Variants in TPTE observed in about 807,000 individuals in gnomAD.
TPTE encodes the protein transmembrane phosphatase with tensin homology.
Under a neutral mutation model 84.1 loss-of-function variants are expected in TPTE, and 59 were observed. The observed-to-expected ratio is 0.70, with a 90% CI of 0.57 to 0.87. The LOEUF is 0.87. Among genes scored for constraint, TPTE ranks in the 40% least tolerant of loss-of-function variants. The probability of loss-of-function intolerance (pLI) is 0.00; values close to 1 mark genes in which losing one functional copy is unlikely to be tolerated. For missense variants in TPTE, 382 were observed against 659.6 expected, an observed-to-expected ratio of 0.58 and a Z score of 4.61; for synonymous variants, 130 against 223.5, an observed-to-expected ratio of 0.58 and a Z score of 3.73.
intron 7 of TPTE, among the ~76,000 whole-genome samples, chr21:10,546,096 C>T (rs2074462457): frequency 6.6e-6 from 1 of 152,302 alleles, no homozygotes; most frequent in South Asian, 2.1e-4. Context: ...TTGTAGCAAC[C>T]CTACATTGAG....
chr21:10,548,568 G>A (rs1040945594), intron 7 of TPTE, among the ~76,000 whole-genome samples: 18 of 152,298 alleles, frequency 1.2e-4, no homozygotes, highest in Non-Finnish European at 2.4e-4. Context: ...AGCTAGAATA[G>A]CTCTATGGAC....
chr21:10,560,211 TTTA>T (rs2074769455), intron 9 of TPTE, among the ~76,000 whole-genome samples: 1 of 152,308 alleles, frequency 6.6e-6, no homozygotes, highest in African/African-American at 2.4e-5. Flanking sequence ...AGTAAAGTGT[TTTA>T]TTAGTACCTT....
chr21:10,567,332 T>G (rs1297211952), intron 10 of TPTE, among the ~76,000 whole-genome samples: 3 of 152,290 alleles, frequency 2.0e-5, no homozygotes, highest in Admixed American at 2.0e-4. Flanking sequence ...GTAATTGGAT[T>G]GTTTGTAACA....
intron 1 of TPTE, among the ~76,000 whole-genome samples, chr21:10,524,260 C>T (rs377352343): frequency 1.2e-4 from 18 of 152,418 alleles, no homozygotes; most frequent in East Asian, 9.6e-4. Context: ...AAAGTTTTGG[C>T]GGGGGAACTA....
chr21:10,582,608 C>CT (rs1315414861), intron 17 of TPTE, among the ~76,000 whole-genome samples: 4 of 152,416 alleles, frequency 2.6e-5, no homozygotes, highest in South Asian at 4.1e-4. Flanking sequence ...ATATTTTATA[C>CT]TTTTTTATCA....
intron 17 of TPTE, among the ~76,000 whole-genome samples, chr21:10,579,966 A>C (rs1480430121): frequency 1.3e-5 from 2 of 152,310 alleles, no homozygotes; most frequent in Non-Finnish European, 2.9e-5. Flanking sequence ...ACTAATTTAC[A>C]TTCACACCAA....
intron 7 of TPTE, among the ~76,000 whole-genome samples, chr21:10,547,112 T>C (rs1331020753): frequency 6.6e-6 from 1 of 152,310 alleles, no homozygotes; most frequent in Admixed American, 6.5e-5. Context: ...GCTGGTGACT[T>C]TAAGTTGAAG....
At chr21:10,566,227 G>C (rs539511548) in intron 10 of TPTE, among the ~76,000 whole-genome samples, 2 of 152,302 alleles carry the variant, frequency 1.3e-5, no homozygotes, top group South Asian at 4.1e-4. Context: ...AAAATATACA[G>C]ATGGTAAACA....
chr21:10,529,426 GA>G (rs1416883296), intron 3 of TPTE, among the ~76,000 whole-genome samples: 1 of 152,304 alleles, frequency 6.6e-6, no homozygotes, highest in Non-Finnish European at 1.5e-5. Flanking sequence ...TGAAATGTGA[GA>G]GGGGTGAGTT....
At chr21:10,561,274 C>G (rs1013352663) in intron 10 of TPTE, 83 bp downstream of exon 10, 28 of 1,559,664 alleles carry the variant, frequency 1.8e-5, no homozygotes, top group Non-Finnish European at 2.4e-5. Flanking sequence ...TGGGAGGATC[C>G]CAAGGTCAGG....
chr21:10,573,001 A>G (rs1380904360), intron 14 of TPTE, among the ~76,000 whole-genome samples: 2 of 152,286 alleles, frequency 1.3e-5, no homozygotes, highest in African/African-American at 2.4e-5. Context: ...GTAACCTTGA[A>G]TGTAATGTAA....
intron 10 of TPTE, among the ~76,000 whole-genome samples, chr21:10,565,984 C>T (rs1435605961): frequency 1.3e-5 from 2 of 152,310 alleles, no homozygotes; most frequent in African/African-American, 2.4e-5. Flanking sequence ...CAAGCACAGG[C>T]TACCAAAGCA....
intron 5 of TPTE, among the ~76,000 whole-genome samples, chr21:10,541,395 C>G (rs377201121): frequency 3.5e-3 from 532 of 152,162 alleles, no homozygotes; most frequent in African/African-American, 0.012. Flanking sequence ...TCGATTGAAC[C>G]TGGGGAAGTG....
chr21:10,567,090 C>G (rs1363940372), intron 10 of TPTE, among the ~76,000 whole-genome samples: 102 of 150,284 alleles, frequency 6.8e-4, no homozygotes, highest in Admixed American at 1.5e-3. Context: ...CACATGTTCT[C>G]ACTTACTATG....
In TPTE at chr21:10,590,505, A is replaced by G. The variant is rs767722993; in HGVS notation, c.1071A>G (p.Glu357=). 1 of 1,614,116 alleles carries G rather than the reference A, an allele frequency of 6.2e-7. No homozygotes were observed. Among genetic ancestry groups the G allele is most frequent in the East Asian group, 2.2e-5 (1 of 44,866 alleles). The change falls in exon 18 of 24, where the codon GAA becomes GAG. Residue 357 remains glutamate (E), a synonymous_variant. Coordinates refer to ENST00000618007, the MANE Select transcript of TPTE (RefSeq NM_199261.4). ...TTTGTGCCTTCCTTATTGCCTCTGA[A>G]ATATGTTCAACTGCAAAGGTATGAA... is the stretch of plus-strand genomic sequence containing the variant. The part of the protein sequence containing the change: ...TMVCAFLIAS[E]ICSTAKESLY...
At chr21:10,563,737 G>T (rs1438396622) in intron 10 of TPTE, among the ~76,000 whole-genome samples, 1 of 152,312 alleles carries the variant, frequency 6.6e-6, no homozygotes, top group African/African-American at 2.4e-5. Context: ...AGGAAGAGAA[G>T]ACCCCAAAAC....
At chr21:10,533,308 C>T (rs1219635977) in intron 3 of TPTE, among the ~76,000 whole-genome samples, 13 of 152,306 alleles carry the variant, frequency 8.5e-5, no homozygotes, top group African/African-American at 2.4e-4. Flanking sequence ...TTTCTTACGA[C>T]TCCCATTCTC....
intron 10 of TPTE, among the ~76,000 whole-genome samples, chr21:10,564,146 C>T: frequency 6.6e-6 from 1 of 152,372 alleles, no homozygotes; most frequent in South Asian, 2.1e-4. Flanking sequence ...GAGCAAGACT[C>T]CAGCTCAAAA....
intron 5 of TPTE, among the ~76,000 whole-genome samples, chr21:10,541,685 C>T (rs2074372292): frequency 6.6e-6 from 1 of 152,308 alleles, no homozygotes; most frequent in Non-Finnish European, 1.5e-5. Flanking sequence ...GAGAGGCTTC[C>T]ATCTGTTACT....
Sources: allele counts gnomAD v4.1 joint callset (sites outside exome capture counted in the v4.1 genomes callset), GRCh38; gene constraint gnomAD v4.1.1; transcripts MANE v1.5; gene names NCBI Gene and HGNC (gene_info 2026-07-23, HGNC 2026-07-21).